The following TMPRSS15 variants were observed in gnomAD, a reference collection of about 807,000 sequenced individuals.
TMPRSS15 encodes the protein enteropeptidase.
In TMPRSS15, 128 loss-of-function variants were observed where a neutral mutation model predicts 125.3. That is an observed-to-expected ratio of 1.02 (90% confidence interval 0.89 to 1.18). The LOEUF is 1.18. Among genes scored for constraint, TMPRSS15 ranks in the 50% most tolerant of loss-of-function variants. The pLI, the probability that TMPRSS15 is intolerant of heterozygous loss-of-function variation, is 0.00. For synonymous variants in TMPRSS15, 446 were observed against 423.2 expected (o/e 1.05, Z -0.66); for missense variants, 1,283 against 1,212.7 (o/e 1.06, Z -0.86).
At chr21:18,458,598 A>G (rs948686098) in intron 1 of TMPRSS15, among the ~76,000 whole-genome samples, 1 of 152,200 alleles carries the variant, frequency 6.6e-6, no homozygotes, top group Admixed American at 6.5e-5. Flanking sequence ...GGTAGCTGCT[A>G]GACTTGTGAG....
intron 14 of TMPRSS15, 65 bp from the exon 15 acceptor site, chr21:18,329,359 C>T (rs2075322700): frequency 8.7e-6 from 13 of 1,502,278 alleles, no homozygotes; most frequent in African/African-American, 1.4e-5. Flanking sequence ...AAGCTTCACT[C>T]TCTTGAGAAT....
intron 16 of TMPRSS15, among the ~76,000 whole-genome samples, chr21:18,318,864 A>G (rs2075203404): frequency 6.6e-6 from 1 of 152,244 alleles, no homozygotes; most frequent in Non-Finnish European, 1.5e-5. Context: ...TCATCTTTGT[A>G]TGTCCAGGTC....
At chr21:18,354,017 C>A (rs1030848114) in intron 8 of TMPRSS15, among the ~76,000 whole-genome samples, 154 bp from the exon 9 acceptor site, 1 of 151,790 alleles carries the variant, frequency 6.6e-6, no homozygotes, top group Non-Finnish European at 1.5e-5. Context: ...ATTAGTCTTA[C>A]ATTTGTTTTA....
chr21:18,472,049 A>C (rs1229938471), intron 1 of TMPRSS15, among the ~76,000 whole-genome samples: 1 of 152,106 alleles, frequency 6.6e-6, no homozygotes, highest in Non-Finnish European at 1.5e-5. Context: ...TTTTTTTCTC[A>C]AGATGAAATG....
chr21:18,319,958 G>C (rs941123496), intron 16 of TMPRSS15, among the ~76,000 whole-genome samples: 4 of 152,150 alleles, frequency 2.6e-5, no homozygotes, highest in African/African-American at 9.7e-5. Context: ...GCCATGGCTG[G>C]TTGTTTCTAC....
At chr21:18,368,514 A>G (rs1440694317) in intron 6 of TMPRSS15, among the ~76,000 whole-genome samples, 1 of 152,094 alleles carries the variant, frequency 6.6e-6, no homozygotes, top group African/African-American at 2.4e-5. Context: ...CCAGTAGAGG[A>G]CTCTGGGGGC....
At chr21:18,375,483 A>C (rs912326385) in intron 5 of TMPRSS15, among the ~76,000 whole-genome samples, 1 of 152,142 alleles carries the variant, frequency 6.6e-6, no homozygotes, top group African/African-American at 2.4e-5. Flanking sequence ...CCAACAGAAA[A>C]TTTTTAGGAA....
chr21:18,452,753 G>A (rs1339063803), intron 1 of TMPRSS15, among the ~76,000 whole-genome samples: 1 of 37,384 alleles, frequency 2.7e-5, no homozygotes, highest in Non-Finnish European at 6.5e-5. Flanking sequence ...TTCAATATGA[G>A]CCAATAGAAA....
intron 1 of TMPRSS15, among the ~76,000 whole-genome samples, chr21:18,426,906 C>A (rs2076203695): frequency 6.6e-6 from 1 of 152,110 alleles, no homozygotes; most frequent in South Asian, 2.1e-4. Flanking sequence ...TTAAAAAGAA[C>A]AAAAAATGTC....
chr21:18,276,773 TTTTGA>T (rs2074627015), intron 23 of TMPRSS15, among the ~76,000 whole-genome samples: 1 of 128,484 alleles, frequency 7.8e-6, no homozygotes, highest in African/African-American at 3.4e-5. Flanking sequence ...TTTTTTTTTT[TTTTGA>T]GACGAAGCCT....
chr21:18,413,575 C>A (rs1020872545), intron 1 of TMPRSS15, among the ~76,000 whole-genome samples: 4 of 146,314 alleles, frequency 2.7e-5, no homozygotes, highest in African/African-American at 1.0e-4. Flanking sequence ...CGCCACCACA[C>A]CTGGCTAACT....
chr21:18,309,643 G>C (rs930014230), intron 18 of TMPRSS15, among the ~76,000 whole-genome samples: 1 of 152,048 alleles, frequency 6.6e-6, no homozygotes, highest in East Asian at 1.9e-4. Context: ...ATTCTCAAAA[G>C]AAGACATTTA....
Position 18,417,167 on chromosome 21 carries a change from C to T in TMPRSS15, c.11-18838G>A, listed in dbSNP as rs529012891. 5.3e-5 allele frequency among the ~76,000 whole-genome samples: 8 copies of T among 152,112 alleles called. No individual in the cohort carries two copies. The South Asian group carries it at 1.7e-3, about 32-fold the overall frequency. ...TTCAAGATTTTGGAGTATGTATAACCTAATCATTATTTATTTGGCACTTCT... is the reference window on the plus strand; with the variant it reads ...TTCAAGATTTTGGAGTATGTATAACTTAATCATTATTTATTTGGCACTTCT... On this transcript the variant is annotated intron_variant, in intron 1 of 7. Coordinates refer to the TMPRSS15 transcript ENST00000422787.
intron 3 of TMPRSS15, among the ~76,000 whole-genome samples, chr21:18,390,534 C>G (rs1016107359): frequency 2.0e-5 from 3 of 152,176 alleles, no homozygotes; most frequent in Non-Finnish European, 2.9e-5. Flanking sequence ...AAGATACATT[C>G]TCTGCCCTAA....
chr21:18,413,365 C>CTTCCTTCCTTCCT (rs2076172330), intron 1 of TMPRSS15, among the ~76,000 whole-genome samples: 1 of 101,444 alleles, frequency 9.9e-6, no homozygotes, highest in African/African-American at 3.8e-5. Flanking sequence ...CCTTCCTTTC[C>CTTCCTTCCTTCCT]TTCCTTCCTT....
chr21:18,427,414 T>G (rs2076205220), intron 1 of TMPRSS15, among the ~76,000 whole-genome samples: 1 of 152,238 alleles, frequency 6.6e-6, no homozygotes, highest in Non-Finnish European at 1.5e-5. Flanking sequence ...ATGCTGAAGA[T>G]GGATAAATAA....
chr21:18,427,278 T>C (rs1465562178), intron 1 of TMPRSS15, among the ~76,000 whole-genome samples: 1 of 152,246 alleles, frequency 6.6e-6, no homozygotes, highest in African/African-American at 2.4e-5. Context: ...CCCCAGTTTT[T>C]ATCAGATTGT....
At chr21:18,311,481 G>GA (rs1223602657) in intron 18 of TMPRSS15, among the ~76,000 whole-genome samples, 2 of 152,098 alleles carry the variant, frequency 1.3e-5, no homozygotes, top group Non-Finnish European at 2.9e-5. Context: ...AACAGAATAT[G>GA]AAAAAATGCT....
At chr21:18,443,839 A>G (rs2076248623) in intron 1 of TMPRSS15, among the ~76,000 whole-genome samples, 1 of 152,184 alleles carries the variant, frequency 6.6e-6, no homozygotes, top group Non-Finnish European at 1.5e-5. Context: ...GCTTCCAGCT[A>G]GCAGTACCGC....
Sources: gnomAD v4.1 joint callset for allele counts (sites outside exome capture counted in the v4.1 genomes callset) on GRCh38, gnomAD v4.1.1 for gene constraint, MANE v1.5 for transcripts, NCBI Gene and HGNC (gene_info 2026-07-23, HGNC 2026-07-21) for gene names.